The following PLA2G2C variants were observed in gnomAD, a reference collection of about 807,000 sequenced individuals.
The protein encoded by PLA2G2C is phospholipase A2 group IIC, also known as putative inactive group IIC secretory phospholipase A2.
In PLA2G2C, 15 loss-of-function variants were observed where a neutral mutation model predicts 14.3. That is an observed-to-expected ratio of 1.05 (90% confidence interval 0.70 to 1.62). The LOEUF (loss-of-function observed/expected upper bound fraction) is 1.62. PLA2G2C is among the 40% of genes most tolerant of loss of function. PLA2G2C has a pLI of 0.00. For synonymous variants in PLA2G2C, 79 were observed against 67.7 expected (o/e 1.17, Z -0.82); for missense variants, 162 against 173.2 (o/e 0.94, Z 0.36).
intron 1 of PLA2G2C, among the ~76,000 whole-genome samples, chr1:20,185,644 G>C (rs1354537504): frequency 6.6e-6 from 1 of 152,170 alleles, no homozygotes; most frequent in Non-Finnish European, 1.5e-5. Flanking sequence ...TGGGGGCCCT[G>C]CTCCCCGCAA....
chr1:20,175,091 C>T lies in PLA2G2C; in HGVS notation c.95G>A (p.Gly32Glu). Residue 32 changes from glycine to glutamate, a missense_variant, in exon 3 of 5, where the codon GGG (glycine) becomes GAG (glutamate). Physicochemically the swap from Gly to Glu is moderately conservative, Grantham distance 98 (BLOSUM62 -2). Coordinates refer to ENST00000679259, the MANE Select transcript of PLA2G2C (RefSeq NM_001367969.2). ...QFQRRVKHIT[G>E]RSAFFSYYGY... ...GTAATATGAGAAGAAGGCACTTCGC[C>T]CCGTGATGTGTTTGACCCTCCTCTG... 1 of 1,613,894 alleles carries T rather than the reference C, an allele frequency of 6.2e-7. No homozygotes were observed. The highest frequency in any genetic ancestry group is 1.7e-5 in the Admixed American group (1 of 60,014).
chr1:20,175,765 A>G (rs1478209216), intron 2 of PLA2G2C, among the ~76,000 whole-genome samples: 5 of 152,208 alleles, frequency 3.3e-5, no homozygotes, highest in African/African-American at 1.2e-4. Context: ...TAACAAAATT[A>G]TGTGTCTCAA....
At chr1:20,167,722 A>G (rs2018001243) in intron 4 of PLA2G2C, among the ~76,000 whole-genome samples, 1 of 152,084 alleles carries the variant, frequency 6.6e-6, no homozygotes, top group Non-Finnish European at 1.5e-5. Context: ...ATTGACATAG[A>G]AGGCACGTGT....
At chr1:20,175,253 G>T in intron 2 of PLA2G2C, 108 bp from the exon 3 acceptor site, 1 of 1,521,078 alleles carries the variant, frequency 6.6e-7, no homozygotes, top group Non-Finnish European at 9.0e-7. Flanking sequence ...AATATCACCA[G>T]ATCCCCAAAG....
chr1:20,174,629 A>T (rs1004666518), intron 3 of PLA2G2C, among the ~76,000 whole-genome samples: 3 of 152,254 alleles, frequency 2.0e-5, no homozygotes, highest in African/African-American at 7.2e-5. Context: ...GCATAATTGC[A>T]GAGACTAAAG....
At chr1:20,178,187 T>C (rs2018217454) in intron 1 of PLA2G2C, among the ~76,000 whole-genome samples, 1 of 152,186 alleles carries the variant, frequency 6.6e-6, no homozygotes, top group African/African-American at 2.4e-5. Context: ...ATGATACCCA[T>C]ATTAGAACAG....
At chr1:20,164,180 T>G (rs1251221077) in intron 4 of PLA2G2C, 23 bp from the exon 5 acceptor site, 1 of 1,601,398 alleles carries the variant, frequency 6.2e-7, no homozygotes, top group Non-Finnish European at 8.5e-7. Flanking sequence ...AGAGGGTCAC[T>G]GGGGGCTCCC....
chr1:20,176,208 C>T lies in PLA2G2C; in HGVS notation c.41-1063G>A, dbSNP rs938311090. ...TGCTGGGATTATAGTCATGAACAACCGCGCCCGGCCCAGCATGTGTTCCCT... is the reference window on the plus strand; with the variant it reads ...TGCTGGGATTATAGTCATGAACAACTGCGCCCGGCCCAGCATGTGTTCCCT... On this transcript the variant is annotated intron_variant, in intron 2 of 4. Coordinates refer to ENST00000679259, the MANE Select transcript of PLA2G2C (RefSeq NM_001367969.2). 3.9e-5 allele frequency among the ~76,000 whole-genome samples: 6 copies of T among 152,054 alleles called. No individual in the cohort carries two copies. The East Asian group carries it at 7.7e-4, about 20-fold the overall frequency.
intron 3 of PLA2G2C, among the ~76,000 whole-genome samples, chr1:20,174,666 T>G (rs535688869): frequency 6.6e-6 from 1 of 152,298 alleles, no homozygotes; most frequent in Non-Finnish European, 1.5e-5. Context: ...GGCCCTTTAT[T>G]AAGAATTTCA....
intron 3 of PLA2G2C, among the ~76,000 whole-genome samples, chr1:20,174,231 GGA>G (rs1330702483): frequency 1.3e-5 from 2 of 152,098 alleles, no homozygotes; most frequent in African/African-American, 4.8e-5. Context: ...CCCACTGTGG[GGA>G]CATGTTTCTC....
Position 20,163,807 on chromosome 1 carries a change from TCTGATG to T in PLA2G2C, c.*178_*183del. 1 of 651,742 alleles carries T rather than the reference TCTGATG, an allele frequency of 1.5e-6. No individual in the cohort carries two copies. Among genetic ancestry groups the T allele is most frequent in the Non-Finnish European group, 2.5e-6 (1 of 394,502 alleles). The allele number at this position is 651,742 out of a possible 1,614,324, so 40.4% of individuals were successfully genotyped here. A position where few individuals can be genotyped will look rare whatever the true frequency, so the allele number is the denominator to read the frequency against. ...CTTTCCCATTTCTGCTCTCCAGCCCTCTGATGCTGAACGACAGGGAGTCCCCTTGGT... is the reference window on the plus strand; with the variant it reads ...CTTTCCCATTTCTGCTCTCCAGCCCTCTGAACGACAGGGAGTCCCCTTGGT... On this transcript the variant is annotated 3_prime_UTR_variant, in exon 5 of 5. Transcript: ENST00000679259.
chr1:20,165,007 G>A (rs1446489196), intron 4 of PLA2G2C, among the ~76,000 whole-genome samples: 1 of 152,252 alleles, frequency 6.6e-6, no homozygotes, highest in African/African-American at 2.4e-5. Flanking sequence ...GCCCCAGTGT[G>A]GTTTCCTATT....
chr1:20,168,982 CAGACCA>C (rs2018023986), intron 4 of PLA2G2C, among the ~76,000 whole-genome samples: 1 of 152,140 alleles, frequency 6.6e-6, no homozygotes. Flanking sequence ...GAGTCGTGGA[CAGACCA>C]AGTTGTTTTC....
intron 4 of PLA2G2C, among the ~76,000 whole-genome samples, chr1:20,168,821 G>A (rs1306519628): frequency 2.0e-5 from 3 of 152,166 alleles, no homozygotes; most frequent in Non-Finnish European, 4.4e-5. Context: ...AAAGTCCCTT[G>A]CAAAAATGCC....
chr1:20,177,310 A>C lies in PLA2G2C; in HGVS notation c.40+14T>G. 1.4e-6 allele frequency: 1 copy of C among 700,692 alleles called. No individual in the cohort carries two copies. Among genetic ancestry groups the C allele is most frequent in the Middle Eastern group, 3.3e-4 (1 of 3,000 alleles). 43.4% of individuals were successfully genotyped at this position (700,692 alleles called of 1,614,324 possible). A position where few individuals can be genotyped will look rare whatever the true frequency, so the allele number is the denominator to read the frequency against. ...ACAGAAGCTTGGTGCTGACCCACCA[A>C]GCTCTCTACTTACAGCAGAAGAGGA... On this transcript the variant is annotated intron_variant, in intron 2 of 4. Coordinates refer to ENST00000679259, the MANE Select transcript of PLA2G2C (RefSeq NM_001367969.2).
chr1:20,168,361 C>T (rs1172586670), intron 4 of PLA2G2C, among the ~76,000 whole-genome samples: 1 of 152,248 alleles, frequency 6.6e-6, no homozygotes, highest in East Asian at 1.9e-4. Context: ...TGCAAGCCAG[C>T]AGACCCCACA....
intron 4 of PLA2G2C, 28 bp from the exon 5 acceptor site, chr1:20,164,185 G>A: frequency 6.3e-7 from 1 of 1,597,728 alleles, no homozygotes; most frequent in South Asian, 1.1e-5. Flanking sequence ...GTCACTGGGG[G>A]CTCCCAGCCC....
intron 4 of PLA2G2C, among the ~76,000 whole-genome samples, chr1:20,169,519 G>C (rs1165416805): frequency 1.3e-5 from 2 of 152,186 alleles, no homozygotes; most frequent in Non-Finnish European, 2.9e-5. Flanking sequence ...ACTGACCATA[G>C]CCCGATGGGC....
chr1:20,168,014 G>C (rs2018006245), intron 4 of PLA2G2C, among the ~76,000 whole-genome samples: 1 of 152,228 alleles, frequency 6.6e-6, no homozygotes, highest in Non-Finnish European at 1.5e-5. Flanking sequence ...TCCAGGCAAG[G>C]ATTTTGTCCT....
Sources: allele counts gnomAD v4.1 joint callset (sites outside exome capture counted in the v4.1 genomes callset), GRCh38; gene constraint gnomAD v4.1.1; transcripts MANE v1.5; gene names NCBI Gene and HGNC (gene_info 2026-07-23, HGNC 2026-07-21).